The following STX18 variants were observed in gnomAD, a reference collection of about 807,000 sequenced individuals.
STX18 encodes the protein syntaxin-18.
In STX18, 40 loss-of-function variants were observed where a neutral mutation model predicts 50.1. The observed-to-expected ratio is 0.80, with a 90% CI of 0.62 to 1.04. The LOEUF is 1.04. Ranked by LOEUF, STX18 falls within the 50% of genes least tolerant of loss-of-function variation. STX18 has a pLI of 0.00. For synonymous variants in STX18, 158 were observed against 151.8 expected (o/e 1.04, Z -0.30); for missense variants, 410 against 415.8 (o/e 0.99, Z 0.12).
At chr4:4,440,591 C>A (rs1726052882) in intron 5 of STX18, among the ~76,000 whole-genome samples, 1 of 152,196 alleles carries the variant, frequency 6.6e-6, no homozygotes, top group Admixed American at 6.5e-5. Flanking sequence ...AGGTGTTTCA[C>A]TATATAAGTT....
chr4:4,508,346 T>C (rs1729829860), intron 1 of STX18, among the ~76,000 whole-genome samples: 1 of 152,192 alleles, frequency 6.6e-6, no homozygotes, highest in South Asian at 2.1e-4. Context: ...CTCCCATTTA[T>C]GGCATATATC....
intron 1 of STX18, among the ~76,000 whole-genome samples, chr4:4,486,775 T>C (rs1408656820): frequency 3.9e-5 from 6 of 152,208 alleles, no homozygotes; most frequent in African/African-American, 1.4e-4. Context: ...CATATTTGAG[T>C]TCCTCAAAAT....
chr4:4,434,762 A>G lies in STX18; in HGVS notation c.702+8T>C. 1 of 1,599,058 alleles carries G rather than the reference A, an allele frequency of 6.3e-7. No individual in the cohort carries two copies. On this transcript the variant is annotated splice_region_variant and intron_variant, in intron 7 of 10. Coordinates refer to ENST00000306200, the MANE Select transcript of STX18 (RefSeq NM_016930.4). ...AAAAATAAATAATTAGGCAGAGAAT[A>G]GCATTACCATTTGTATTTCTTCTGG...
intron 5 of STX18, among the ~76,000 whole-genome samples, chr4:4,456,006 C>T (rs1339195736): frequency 1.3e-5 from 2 of 152,048 alleles, no homozygotes; most frequent in Non-Finnish European, 2.9e-5. Flanking sequence ...AAATGTGGGC[C>T]AGACATGGTG....
At chr4:4,519,931 A>C (rs1252259247) in intron 1 of STX18, among the ~76,000 whole-genome samples, 1 of 152,220 alleles carries the variant, frequency 6.6e-6, no homozygotes, top group African/African-American at 2.4e-5. Flanking sequence ...GAGCCAAGCC[A>C]AAATATCTAT....
chr4:4,420,182 G>A lies in STX18; in HGVS notation c.913-53C>T. ...TTTATCACACAGGATTTTGGTTTGAGCAGCCCTGAAATGCCCCCCTCTTCC... is the reference window on the plus strand; with the variant it reads ...TTTATCACACAGGATTTTGGTTTGAACAGCCCTGAAATGCCCCCCTCTTCC... On this transcript the variant is annotated intron_variant, in intron 10 of 10. Coordinates refer to ENST00000306200, the MANE Select transcript of STX18 (RefSeq NM_016930.4). This position sits in a 1 kb window ranked among gnomAD's most constrained non-coding sequence, Gnocchi z 4.3. 2.0e-6 allele frequency: 3 copies of A among 1,493,288 alleles called. No homozygotes were observed. Among genetic ancestry groups the A allele is most frequent in the Non-Finnish European group, 2.7e-6 (3 of 1,095,284 alleles). The allele number at this position is 1,493,288 out of a possible 1,614,324, so 92.5% of individuals were successfully genotyped here. A position where few individuals can be genotyped will look rare whatever the true frequency, so the allele number is the denominator to read the frequency against.
At chr4:4,516,035 C>T (rs904917544) in intron 1 of STX18, among the ~76,000 whole-genome samples, 1 of 152,068 alleles carries the variant, frequency 6.6e-6, no homozygotes, top group African/African-American at 2.4e-5. Flanking sequence ...TCAAACCAAA[C>T]AAAAAATAAA....
intron 1 of STX18, among the ~76,000 whole-genome samples, chr4:4,535,306 T>C (rs1731279608): frequency 6.6e-6 from 1 of 152,158 alleles, no homozygotes; most frequent in Non-Finnish European, 1.5e-5. Context: ...ATTGAATAAA[T>C]ACATTTCAAA....
intron 2 of STX18, chr4:4,461,902 C>A (rs188595884): frequency 2.2e-6 from 1 of 456,098 alleles, no homozygotes; most frequent in African/African-American, 2.0e-5. Flanking sequence ...TCTCTTTTAC[C>A]TACTTAGAGA....
chr4:4,469,759 C>A (rs1446789965), intron 2 of STX18, among the ~76,000 whole-genome samples: 1 of 152,036 alleles, frequency 6.6e-6, no homozygotes, highest in African/African-American at 2.4e-5. Flanking sequence ...CTTTTTTCTT[C>A]CCTTTAGTTT....
chr4:4,432,915 C>T (rs1323532520), intron 7 of STX18, among the ~76,000 whole-genome samples: 7 of 152,232 alleles, frequency 4.6e-5, no homozygotes, highest in African/African-American at 1.7e-4. Context: ...GGTCCCCAGC[C>T]TGCACAACTA....
chr4:4,513,245 G>T (rs1730088825), intron 1 of STX18, among the ~76,000 whole-genome samples: 1 of 152,132 alleles, frequency 6.6e-6, no homozygotes, highest in Non-Finnish European at 1.5e-5. Context: ...TAGAGGGGGG[G>T]ACCCTCGTCT....
intron 9 of STX18, among the ~76,000 whole-genome samples, chr4:4,421,297 C>T (rs1419239772): frequency 6.6e-6 from 1 of 151,850 alleles, no homozygotes; most frequent in African/African-American, 2.4e-5. Flanking sequence ...AGTCACATCA[C>T]ACAGCAACCA....
chr4:4,493,385 G>A (rs1729029759), intron 1 of STX18, among the ~76,000 whole-genome samples: 1 of 150,566 alleles, frequency 6.6e-6, no homozygotes, highest in South Asian at 2.1e-4. Flanking sequence ...CACGTAATGA[G>A]TTGCAGAAAG....
intron 1 of STX18, chr4:4,507,256 A>C: frequency 1.5e-6 from 1 of 686,476 alleles, no homozygotes; most frequent in Non-Finnish European, 2.8e-6. Flanking sequence ...AGTGTACTAT[A>C]AAGAGTCCGG....
intron 1 of STX18, among the ~76,000 whole-genome samples, chr4:4,494,177 T>C (rs1729066921): frequency 6.6e-6 from 1 of 152,220 alleles, no homozygotes; most frequent in Non-Finnish European, 1.5e-5. Flanking sequence ...TAAAAACTGA[T>C]AATGATCACA....
At chr4:4,521,511 G>GAAGA (rs1030953059) in intron 1 of STX18, among the ~76,000 whole-genome samples, 1 of 152,106 alleles carries the variant, frequency 6.6e-6, no homozygotes, top group African/African-American at 2.4e-5. Flanking sequence ...GGAGGATAAA[G>GAAGA]AAGAAAGAAA....
chr4:4,433,845 C>T (rs1040724820), intron 7 of STX18, among the ~76,000 whole-genome samples: 1 of 152,218 alleles, frequency 6.6e-6, no homozygotes, highest in Admixed American at 6.5e-5. Context: ...TCTTCCTCAA[C>T]AGAGCTGTCT....
chr4:4,506,198 G>T (rs1193474572), intron 1 of STX18, among the ~76,000 whole-genome samples: 1 of 152,142 alleles, frequency 6.6e-6, no homozygotes, highest in African/African-American at 2.4e-5. Flanking sequence ...CTAGGTATTT[G>T]CCCTAGAGAA....
Sources: gnomAD v4.1 joint callset for allele counts (sites outside exome capture counted in the v4.1 genomes callset) on GRCh38, gnomAD v4.1.1 for gene constraint, Gnocchi (gnomAD v3.1) non-coding constraint, MANE v1.5 for transcripts, NCBI Gene and HGNC (gene_info 2026-07-23, HGNC 2026-07-21) for gene names.